The following KMT2C variants were observed in gnomAD, a reference collection of about 807,000 sequenced individuals.
KMT2C encodes the protein histone-lysine N-methyltransferase 2C.
In KMT2C, 88 loss-of-function variants were observed where a neutral mutation model predicts 507.9. The observed-to-expected ratio is 0.17, with a 90% confidence interval of 0.15 to 0.21. The LOEUF (loss-of-function observed/expected upper bound fraction) is 0.21, where lower values mean the gene tolerates loss of function less well. KMT2C is among the 10% of genes least tolerant of loss of function. The pLI is 1.00. For synonymous variants in KMT2C, 2,049 were observed against 2,080.8 expected (o/e 0.98, Z 0.42); for missense variants, 4,954 against 5,957.8 (o/e 0.83, Z 5.55).
In KMT2C at chr7:152,180,085, C is replaced by G. The variant is rs1420303634; in HGVS notation, c.7191G>C (p.Gln2397His). 1 of 1,614,228 alleles carries G rather than the reference C, an allele frequency of 6.2e-7. No individual in the cohort carries two copies. The highest frequency in any genetic ancestry group is 8.5e-7 in the Non-Finnish European group (1 of 1,180,036). The change falls in exon 37 of 59, where the codon CAG (glutamine) becomes CAC (histidine). Residue 2397 changes from glutamine (Q) to histidine (H), a missense_variant. By Grantham distance (24) the Gln-to-His change is conservative (BLOSUM62 0). Around this residue, in one of 29 missense-constraint regions of KMT2C, gnomAD observed 1,689 missense variants for 1,654.3 expected, o/e 1.02. Transcript: ENST00000262189. ...TCTCCTGTCGACCTGCAATCTTCTT[C>G]TGCTGTTGCTGCTGGAGAATGATTT... ...LREIILQQQQQKKIAGRQEKG... is the reference protein window; with the variant it reads ...LREIILQQQQHKKIAGRQEKG...
chr7:152,410,302 C>T (rs71273584), intron 1 of KMT2C, among the ~76,000 whole-genome samples: 2,800 of 84,088 alleles, frequency 0.033, no homozygotes, highest in African/African-American at 0.052. Context: ...ATCCCAGCTA[C>T]TCGGGAGGCT....
chr7:152,433,326 A>C (rs1346555818), intron 1 of KMT2C, among the ~76,000 whole-genome samples: 5 of 152,216 alleles, frequency 3.3e-5, no homozygotes, highest in African/African-American at 1.2e-4. Context: ...CCTAATTTAC[A>C]CTGGTTACAC....
rs1205079129 is a variant in KMT2C, at chr7:152,149,099, T to G, written c.12828A>C (p.Ala4276=). The change falls in exon 52 of 59, where the codon GCA becomes GCC. Residue 4276 remains alanine, a synonymous_variant. Transcript: ENST00000262189. The stretch of plus-strand genomic sequence containing the variant: ...AGATGTTGTTGCTGTACTGATGAAA[T>G]GCTTTGGAAGGCGTTTCTCTCATAG... The part of the protein sequence containing the change: ...QSPMRETPSK[A]FHQYSNNIST... The G allele has an allele frequency of 6.7e-7, 1 of 1,500,492 alleles. No homozygotes were observed. The highest frequency in any genetic ancestry group is 2.3e-5 in the East Asian group (1 of 43,384). 92.9% of individuals were successfully genotyped at this position (1,500,492 alleles called of 1,614,324 possible).
intron 55 of KMT2C, among the ~76,000 whole-genome samples, chr7:152,143,793 A>G (rs73730356): frequency 0.012 from 1,771 of 152,328 alleles, 34 homozygotes; most frequent in African/African-American, 0.041. Flanking sequence ...AGTGAGGAGT[A>G]AAAGGGTTCC....
At chr7:152,290,244 G>A (rs1431782909) in intron 6 of KMT2C, among the ~76,000 whole-genome samples, 13 of 96,308 alleles carry the variant, frequency 1.3e-4, no homozygotes, top group African/African-American at 5.9e-4. Context: ...GTGTGTGTGT[G>A]TGTGTGTGTA....
At chr7:152,199,185 T>A (rs1015575692) in intron 27 of KMT2C, 94 bp downstream of exon 27, 3 of 1,020,730 alleles carry the variant, frequency 2.9e-6, no homozygotes, top group Non-Finnish European at 1.4e-6. Flanking sequence ...AAAATGCATA[T>A]GAGGCCAAAC....
In KMT2C at chr7:152,150,885, T is replaced by G. The variant is rs370668658; in HGVS notation, c.12774+15A>C. 2.4e-5 allele frequency: 37 copies of G among 1,538,862 alleles called. No individual in the cohort carries two copies. Among genetic ancestry groups the G allele is most frequent in the Non-Finnish European group, 3.2e-5 (36 of 1,112,226 alleles). ...CGTTACACATTGTTATCAGCTGAGA[T>G]TATCCTAATCTCACCTTGTTTTCTG... On this transcript the variant is annotated intron_variant, in intron 51 of 58. Coordinates refer to ENST00000262189, the MANE Select transcript of KMT2C (RefSeq NM_170606.3).
At chr7:152,262,988 T>C (rs1563638690) in intron 9 of KMT2C, 28 bp downstream of exon 9, 2 of 1,546,566 alleles carry the variant, frequency 1.3e-6, no homozygotes, top group Non-Finnish European at 8.9e-7. Context: ...AGAGAGGATT[T>C]AAAAAAATAA....
intron 49 of KMT2C, 50 bp from the exon 50 acceptor site, chr7:152,151,631 G>A (rs570091745): frequency 3.8e-5 from 57 of 1,516,690 alleles, no homozygotes; most frequent in Middle Eastern, 1.7e-4. Context: ...GATGACACAA[G>A]GTGGCACATG....
intron 7 of KMT2C, among the ~76,000 whole-genome samples, chr7:152,271,163 T>G (rs567425022): frequency 6.6e-6 from 1 of 152,322 alleles, no homozygotes; most frequent in Non-Finnish European, 1.5e-5. Context: ...ATAATAACAC[T>G]ATGATTTAAG....
At chr7:152,170,927 G>A (rs539085143) in intron 40 of KMT2C, among the ~76,000 whole-genome samples, 27 of 152,296 alleles carry the variant, frequency 1.8e-4, no homozygotes, top group East Asian at 1.5e-3. Flanking sequence ...AGTCCTGAGC[G>A]TGTGGTTTTG....
At chr7:152,204,574 G>T (rs1352616018) in intron 25 of KMT2C, among the ~76,000 whole-genome samples, 1 of 150,806 alleles carries the variant, frequency 6.6e-6, no homozygotes, top group Non-Finnish European at 1.5e-5. Flanking sequence ...GCCAACCTGG[G>T]TGACATAGTG....
At chr7:152,341,793 C>T (rs921294677) in intron 2 of KMT2C, among the ~76,000 whole-genome samples, 6 of 152,096 alleles carry the variant, frequency 3.9e-5, no homozygotes, top group Non-Finnish European at 8.8e-5. Context: ...AATTGTTAGG[C>T]CAATTAATGT....
At chr7:152,240,917 C>T (rs189502135) in intron 14 of KMT2C, among the ~76,000 whole-genome samples, 1 of 152,300 alleles carries the variant, frequency 6.6e-6, no homozygotes, top group East Asian at 1.9e-4. Flanking sequence ...GAAGCCTTTC[C>T]CCACAGCAGC....
At position 152,143,683 on chromosome 7, in the gene KMT2C, G is replaced by A. The variant is rs147871885; in HGVS notation, c.14343+1030C>T. 3.6e-3 allele frequency among the ~76,000 whole-genome samples: 554 copies of A among 152,324 alleles called. 3 individuals carry two copies. Among genetic ancestry groups the A allele is most frequent in the African/African-American group, 0.013 (532 of 41,570 alleles). Reference sequence around the variant, plus strand: ...GGTCACGATGCTCCAGGTTGAAAGGGCTCATCAAGGGAGGAAAGCAATCAA... The same window carrying A: ...GGTCACGATGCTCCAGGTTGAAAGGACTCATCAAGGGAGGAAAGCAATCAA... On this transcript the variant is annotated intron_variant, in intron 55 of 58. Coordinates refer to ENST00000262189, the MANE Select transcript of KMT2C (RefSeq NM_170606.3).
intron 1 of KMT2C, among the ~76,000 whole-genome samples, chr7:152,429,269 G>C (rs557840436): frequency 2.0e-5 from 3 of 152,074 alleles, no homozygotes; most frequent in Middle Eastern, 3.2e-3. Flanking sequence ...AAGTTACATA[G>C]AAGTATAGAA....
chr7:152,234,965 G>GAGT (rs2095234970), intron 16 of KMT2C, among the ~76,000 whole-genome samples: 1 of 152,110 alleles, frequency 6.6e-6, no homozygotes, highest in Admixed American at 6.5e-5. Flanking sequence ...CAAGAAAAGG[G>GAGT]AGTACACTGT....
In KMT2C at chr7:152,328,504, A is replaced by G. The variant is rs1204070690; in HGVS notation, c.389+2097T>C. 5.3e-5 allele frequency among the ~76,000 whole-genome samples: 8 copies of G among 152,206 alleles called. No individual in the cohort carries two copies. In the East Asian group the frequency reaches 1.3e-3, roughly 26 times the overall value. ...CACAGTGAGTGACAAATGACATGAG[A>G]GAGGCAGTCAGGAACAGATCACACC... On this transcript the variant is annotated intron_variant, in intron 3 of 58. Transcript: ENST00000262189.
chr7:152,301,403 G>A (rs1159612171), intron 6 of KMT2C, among the ~76,000 whole-genome samples: 1 of 151,742 alleles, frequency 6.6e-6, no homozygotes, highest in Non-Finnish European at 1.5e-5. Context: ...CAGCTACTTG[G>A]AAGGCTGAGG....
Sources: gnomAD v4.1 joint callset for allele counts (sites outside exome capture counted in the v4.1 genomes callset) on GRCh38, gnomAD v4.1.1 for gene constraint, gnomAD v4.1.1 regional missense constraint, MANE v1.5 for transcripts, NCBI Gene and HGNC (gene_info 2026-07-23, HGNC 2026-07-21) for gene names.